Variants in NEK7 observed in about 807,000 individuals in gnomAD.
NEK7 encodes serine/threonine-protein kinase Nek7.
A neutral mutation model predicts 44.6 loss-of-function variants in NEK7; 18 were observed. That is an observed-to-expected ratio of 0.40 (90% confidence interval 0.28 to 0.60). The LOEUF (loss-of-function observed/expected upper bound fraction) is 0.60. Among genes scored for constraint, NEK7 ranks in the 20% least tolerant of loss-of-function variants. NEK7 has a pLI of 0.38. For missense variants in NEK7, 256 were observed against 366.5 expected, an observed-to-expected ratio of 0.70 and a Z score of 2.46; for synonymous variants, 130 against 121.1, an observed-to-expected ratio of 1.07 and a Z score of -0.48.
chr1:198,276,908 G>A (rs1206584846), intron 5 of NEK7, among the ~76,000 whole-genome samples: 1 of 151,618 alleles, frequency 6.6e-6, no homozygotes, highest in Non-Finnish European at 1.5e-5. Context: ...AAAGGTAGCT[G>A]TTTTAGAATT....
At chr1:198,216,006 A>G (rs1456295498) in intron 1 of NEK7, among the ~76,000 whole-genome samples, 1 of 152,156 alleles carries the variant, frequency 6.6e-6, no homozygotes. Context: ...ACTGAAGCAG[A>G]AATTTAACAA....
intron 1 of NEK7, among the ~76,000 whole-genome samples, chr1:198,215,520 T>A (rs996466141): frequency 6.7e-6 from 1 of 149,960 alleles, no homozygotes. Flanking sequence ...CAGCTGTCAT[T>A]AGTTTATGTG....
chr1:198,297,038 T>C, intron 8 of NEK7, 89 bp from the exon 9 acceptor site: 1 of 792,166 alleles, frequency 1.3e-6, no homozygotes, highest in Non-Finnish European at 2.0e-6. Context: ...ATATTTGTGA[T>C]TATTTTCTAC....
intron 2 of NEK7, among the ~76,000 whole-genome samples, chr1:198,240,616 TG>T: frequency 6.6e-6 from 1 of 152,252 alleles, no homozygotes; most frequent in Middle Eastern, 3.4e-3. Flanking sequence ...AGTGTTTACT[TG>T]GTTTTGAATA....
intron 1 of NEK7, among the ~76,000 whole-genome samples, chr1:198,166,740 G>C (rs1664280204): frequency 6.6e-6 from 1 of 152,128 alleles, no homozygotes; most frequent in Non-Finnish European, 1.5e-5. Flanking sequence ...TAACATCAAA[G>C]ATTGCTGATC....
chr1:198,294,857 A>T, intron 8 of NEK7, among the ~76,000 whole-genome samples: 1 of 152,046 alleles, frequency 6.6e-6, no homozygotes, highest in African/African-American at 2.4e-5. Context: ...AAGAACTAGA[A>T]TTTTTCTAAA....
intron 5 of NEK7, among the ~76,000 whole-genome samples, chr1:198,265,513 T>C (rs1008916968): frequency 2.0e-5 from 3 of 152,086 alleles, no homozygotes; most frequent in Non-Finnish European, 2.9e-5. Flanking sequence ...GCTGCTGACA[T>C]AGAGAAGCTA....
At chr1:198,173,858 G>A (rs2102726644) in intron 1 of NEK7, among the ~76,000 whole-genome samples, 1 of 151,982 alleles carries the variant, frequency 6.6e-6, no homozygotes, top group East Asian at 1.9e-4. Flanking sequence ...TGTTATTCCT[G>A]CTTTTAATTT....
chr1:198,162,212 C>T (rs558158042), intron 1 of NEK7, among the ~76,000 whole-genome samples: 8 of 152,172 alleles, frequency 5.3e-5, no homozygotes, highest in Non-Finnish European at 8.8e-5. Context: ...ACACAGTACA[C>T]TTTCTCAGCT....
chr1:198,249,695 G>A (rs1652849802), intron 2 of NEK7, among the ~76,000 whole-genome samples: 1 of 149,960 alleles, frequency 6.7e-6, no homozygotes, highest in South Asian at 2.1e-4. Context: ...CTTTTGAGAA[G>A]TGTCTGTTCA....
At chr1:198,231,745 C>T (rs1022906246) in intron 1 of NEK7, among the ~76,000 whole-genome samples, 2 of 151,816 alleles carry the variant, frequency 1.3e-5, no homozygotes, top group Admixed American at 1.3e-4. Flanking sequence ...ACAAATGAAC[C>T]ATGCCCAGAA....
At chr1:198,205,114 T>C (rs569530890) in intron 1 of NEK7, among the ~76,000 whole-genome samples, 8 of 152,346 alleles carry the variant, frequency 5.3e-5, no homozygotes, top group African/African-American at 1.9e-4. Flanking sequence ...TGCTTATTTT[T>C]GTTTGGATCC....
intron 2 of NEK7, among the ~76,000 whole-genome samples, chr1:198,240,051 C>G (rs1382922330): frequency 6.6e-6 from 1 of 152,148 alleles, no homozygotes; most frequent in Non-Finnish European, 1.5e-5. Context: ...GCCAGACATT[C>G]CTATACTGCC....
At chr1:198,163,731 T>C (rs1278304309) in intron 1 of NEK7, among the ~76,000 whole-genome samples, 4 of 152,222 alleles carry the variant, frequency 2.6e-5, no homozygotes, top group Admixed American at 2.0e-4. Context: ...AACCTACAAA[T>C]TGACTTCCTT....
intron 2 of NEK7, among the ~76,000 whole-genome samples, chr1:198,244,976 C>G (rs150791825): frequency 6.4e-4 from 97 of 152,216 alleles, no homozygotes; most frequent in Middle Eastern, 6.8e-3. Context: ...CTATAAATAG[C>G]CTACTGTTGA....
chr1:198,313,460 G>A (rs1254441665), intron 9 of NEK7, among the ~76,000 whole-genome samples: 1 of 139,422 alleles, frequency 7.2e-6, no homozygotes, highest in Non-Finnish European at 1.5e-5. Context: ...ATATTGTTAT[G>A]TGTGAATTTG....
intron 2 of NEK7, chr1:198,245,201 G>C (rs1329497378): frequency 5.9e-6 from 1 of 169,156 alleles, no homozygotes; most frequent in African/African-American, 2.4e-5. Context: ...AGAGGAGAAG[G>C]AGAAAGAGAA....
chr1:198,165,719 G>C (rs534555616), intron 1 of NEK7, among the ~76,000 whole-genome samples: 108 of 152,224 alleles, frequency 7.1e-4, no homozygotes, highest in Non-Finnish European at 1.4e-3. Context: ...AATGAGCATT[G>C]GGTTCACCAG....
intron 1 of NEK7, among the ~76,000 whole-genome samples, chr1:198,183,076 G>T (rs1664814177): frequency 6.6e-6 from 1 of 152,150 alleles, no homozygotes; most frequent in African/African-American, 2.4e-5. Context: ...GGCCAGTTTG[G>T]CAGAAATAAG....
Sources: gnomAD v4.1 joint callset for allele counts (sites outside exome capture counted in the v4.1 genomes callset) on GRCh38, gnomAD v4.1.1 for gene constraint, MANE v1.5 for transcripts, NCBI Gene and HGNC (gene_info 2026-07-23, HGNC 2026-07-21) for gene names.